CDH23: variants seen among roughly 807,000 people sequenced by gnomAD.
CDH23 encodes cadherin-23.
Under a neutral mutation model 317.1 loss-of-function variants are expected in CDH23, and 189 were observed. The observed-to-expected ratio is 0.60, with a 90% CI of 0.53 to 0.67. The LOEUF is 0.67. Ranked by LOEUF, CDH23 falls within the 30% of genes least tolerant of loss-of-function variation. The pLI is 0.00. For missense variants in CDH23, 4,401 were observed against 4,592.4 expected (o/e 0.96, Z 1.20); for synonymous variants, 1,839 against 1,876.8 (o/e 0.98, Z 0.52).
Position 71,751,707 on chromosome 10 carries a change from A to T in CDH23, c.4845+9786A>T, listed in dbSNP as rs774690287. ...AAGACGTCTCCGGGGCCTGGAGGAG[A>T]CAGGGGGGTGCTGGGCTCCGAAAGC... On this transcript the variant is annotated intron_variant, in intron 38 of 69. Transcript: ENST00000224721. The surrounding 1 kb of genome is among the most constrained non-coding windows in gnomAD (Gnocchi z 4.9). 6.4e-7 allele frequency: 1 copy of T among 1,564,196 alleles called. No homozygotes were observed. The highest frequency in any genetic ancestry group is 8.6e-7 in the Non-Finnish European group (1 of 1,157,844).
At chr10:71,453,493 T>C (rs1463347146) in intron 3 of CDH23, among the ~76,000 whole-genome samples, 2 of 152,042 alleles carry the variant, frequency 1.3e-5, no homozygotes, top group Non-Finnish European at 2.9e-5. Flanking sequence ...GGCTCAGGAG[T>C]GACGAGCATA....
intron 30 of CDH23, among the ~76,000 whole-genome samples, chr10:71,727,655 C>T (rs536384920): frequency 8.9e-4 from 136 of 152,204 alleles, no homozygotes; most frequent in African/African-American, 3.2e-3. Flanking sequence ...AGGGTGTTCA[C>T]GACACATACA....
chr10:71,494,522 T>C (rs1852846413), intron 3 of CDH23, among the ~76,000 whole-genome samples: 1 of 152,190 alleles, frequency 6.6e-6, no homozygotes, highest in Non-Finnish European at 1.5e-5. Context: ...AGTCTCCTCA[T>C]TGGAGTGCGG....
rs550330384 is a variant in CDH23 at position 71,458,417 on chromosome 10, C to T, written c.145+12022C>T. ...AGCTCTGCCACTTATTAGCGTGTGA[C>T]CACAGGCAAGTCCCTTAACCTCTCT... On this transcript the variant is annotated intron_variant, in intron 3 of 69. Coordinates refer to ENST00000224721, the MANE Select transcript of CDH23 (RefSeq NM_022124.6). Among the ~76,000 whole-genome samples the T allele has an allele frequency of 1.1e-3, 164 of 152,332 alleles. 1 individual carries two copies. The highest frequency in any genetic ancestry group is 3.9e-3 in the African/African-American group (162 of 41,566).
intron 38 of CDH23, chr10:71,753,885 G>A (rs368795975): frequency 1.5e-5 from 7 of 456,282 alleles, no homozygotes; most frequent in East Asian, 6.9e-5. Flanking sequence ...GTCAGGCTTC[G>A]TGCAGGTGCA....
chr10:71,685,701 C>T (rs1864847757), intron 18 of CDH23, among the ~76,000 whole-genome samples: 1 of 152,204 alleles, frequency 6.6e-6, no homozygotes, highest in Admixed American at 6.5e-5. Flanking sequence ...GGCCCTGGGG[C>T]AGCCGGAGAG....
At chr10:71,575,842 CCT>C (rs1763609511) in intron 8 of CDH23, among the ~76,000 whole-genome samples, 1 of 152,278 alleles carries the variant, frequency 6.6e-6, no homozygotes, top group South Asian at 2.1e-4. Flanking sequence ...CCCATTCCTC[CCT>C]GTTAATTCCT....
chr10:71,647,229 G>A (rs985659032), intron 14 of CDH23: 7 of 333,284 alleles, frequency 2.1e-5, no homozygotes, highest in East Asian at 1.7e-4. Flanking sequence ...TGAGAAAGCC[G>A]AGGTGGGCGG....
intron 2 of CDH23, among the ~76,000 whole-genome samples, chr10:71,443,906 C>T (rs553371208): frequency 2.0e-5 from 3 of 152,386 alleles, no homozygotes; most frequent in South Asian, 2.1e-4. Flanking sequence ...AGGCGACCCA[C>T]GTCCCGGAGT....
At chr10:71,724,549 A>G (rs1866722085) in intron 29 of CDH23, among the ~76,000 whole-genome samples, 2 of 152,094 alleles carry the variant, frequency 1.3e-5, no homozygotes, top group Non-Finnish European at 2.9e-5. Context: ...TGATCCACCC[A>G]TCTCAGCCTT....
At chr10:71,732,707 T>G in intron 32 of CDH23, 2 of 1,279,880 alleles carry the variant, frequency 1.6e-6, no homozygotes, top group Non-Finnish European at 2.0e-6. Flanking sequence ...AGGAGTAAGA[T>G]AAAGTTTATA....
rs542453107 is a variant in CDH23 at position 71,428,737 on chromosome 10, C to T, written c.-5-11090C>T. On this transcript the variant is annotated intron_variant, in intron 1 of 69. Transcript: ENST00000224721. ...CTGAGTAGCTGGGATTACAGGTGCA[C>T]GCCACCAAGTTGGGCTAATTTTTTG... 1.6e-4 allele frequency among the ~76,000 whole-genome samples: 24 copies of T among 152,138 alleles called. No homozygotes were observed. In the South Asian group the frequency reaches 2.7e-3, roughly 17 times the overall value.
chr10:71,811,577 T>C lies in CDH23; in HGVS notation c.9265T>C (p.Tyr3089His). Residue 3089 changes from tyrosine (Y) to histidine (H), a missense_variant, in exon 64 of 70, where the codon TAC becomes CAC. Tyr to His is a moderately conservative substitution (Grantham distance 83). Coordinates refer to ENST00000224721, the MANE Select transcript of CDH23 (RefSeq NM_022124.6). ...CATGCTCTTTGTCCTCATGAACTGG[T>C]ACTACAGGACTGTGTGAGTGTCCCC... is the stretch of plus-strand genomic sequence containing the variant. Reference protein sequence around the residue: ...AAMLFVLMNWYYRTVHKRKLK... With the variant: ...AAMLFVLMNWHYRTVHKRKLK... 1 of 1,613,940 alleles carries C rather than the reference T, an allele frequency of 6.2e-7. No homozygotes were observed.
chr10:71,784,184 C>T (rs1841033677), intron 41 of CDH23, 103 bp from the exon 42 acceptor site: 1 of 1,325,670 alleles, frequency 7.5e-7, no homozygotes, highest in Non-Finnish European at 1.0e-6. Flanking sequence ...CTGTCCCCCA[C>T]CTGTGACGAG....
chr10:71,532,711 G>GTTTTTTTTTTTTTTTTTT (rs531593760), intron 6 of CDH23, among the ~76,000 whole-genome samples: 2 of 128,094 alleles, frequency 1.6e-5, no homozygotes, highest in Non-Finnish European at 1.8e-5. Flanking sequence ...TTTTGTTTTT[G>GTTTTTTTTTTTTTTTTTT]TTTTTTTTTT....
chr10:71,793,578 A>G lies in CDH23; in HGVS notation c.6650A>G (p.Lys2217Arg). 1.2e-6 allele frequency: 2 copies of G among 1,611,352 alleles called. No individual in the cohort carries two copies. The highest frequency in any genetic ancestry group is 1.7e-6 in the Non-Finnish European group (2 of 1,177,988). The change falls in exon 48 of 70, where the codon AAG becomes AGG. Residue 2217 changes from lysine (K) to arginine (R), a missense_variant. Physicochemically the swap from Lys to Arg is conservative, Grantham distance 26 (BLOSUM62 2). Coordinates refer to ENST00000224721, the MANE Select transcript of CDH23 (RefSeq NM_022124.6). ...TACCACATTGTCGGCATTGTGGCCA[A>G]GGACGACACTGATCGCCTGGTGCCC... Reference protein sequence around the residue: ...LEYHIVGIVAKDDTDRLVPNQ... With the variant: ...LEYHIVGIVARDDTDRLVPNQ...
chr10:71,451,651 C>T (rs888378194), intron 3 of CDH23, among the ~76,000 whole-genome samples: 1 of 152,208 alleles, frequency 6.6e-6, no homozygotes, highest in Non-Finnish European at 1.5e-5. Flanking sequence ...TTAAGTGCTG[C>T]TCCCTTTGCT....
chr10:71,626,555 A>AC lies in CDH23; in HGVS notation c.1134+9166dup, dbSNP rs1421097022. ...GACCCAGTCAATGCACATTCTTGCCACCCCAGAGAGTGGGTGCAGCTGCCC... is the reference window on the plus strand; with the variant it reads ...GACCCAGTCAATGCACATTCTTGCCACCCCCAGAGAGTGGGTGCAGCTGCCC... On this transcript the variant is annotated intron_variant, in intron 11 of 69. Coordinates refer to ENST00000224721, the MANE Select transcript of CDH23 (RefSeq NM_022124.6). Among the ~76,000 whole-genome samples, 7 of 152,206 alleles carry AC rather than the reference A, an allele frequency of 4.6e-5. 1 individual carries two copies. The South Asian group carries it at 6.2e-4, about 14-fold the overall frequency.
At chr10:71,745,520 C>G (rs2132852983) in intron 38 of CDH23, among the ~76,000 whole-genome samples, 2 of 152,310 alleles carry the variant, frequency 1.3e-5, no homozygotes, top group South Asian at 4.1e-4. Context: ...CCCCCCTCTA[C>G]TGCCTCCATG....
Sources: gnomAD v4.1 joint callset for allele counts (sites outside exome capture counted in the v4.1 genomes callset) on GRCh38, gnomAD v4.1.1 for gene constraint, Gnocchi (gnomAD v3.1) non-coding constraint, MANE v1.5 for transcripts, NCBI Gene and HGNC (gene_info 2026-07-23, HGNC 2026-07-21) for gene names.